The following CLCN2 variants were observed in gnomAD, a reference collection of about 807,000 sequenced individuals.
CLCN2 encodes the protein chloride channel protein 2.
CLCN2 carries 72 observed loss-of-function variants against 108.3 expected under a neutral mutation model. The observed-to-expected ratio is 0.66, with a 90% CI of 0.55 to 0.81. CLCN2 has a LOEUF of 0.81. Among genes scored for constraint, CLCN2 ranks in the 30% least tolerant of loss-of-function variants. CLCN2 has a pLI of 0.00. For synonymous variants in CLCN2, 471 were observed against 467.1 expected, an observed-to-expected ratio of 1.01 and a Z score of -0.11; for missense variants, 1,048 against 1,205.2, an observed-to-expected ratio of 0.87 and a Z score of 1.93.
At chr3:184,353,509 C>A in intron 16 of CLCN2, 87 bp from the exon 17 acceptor site, 2 of 1,533,974 alleles carry the variant, frequency 1.3e-6, no homozygotes, top group Admixed American at 1.9e-5. Context: ...GGGGGCCTTG[C>A]ATGCAGGCCA....
Position 184,361,373 on chromosome 3 carries a change from G to A in CLCN2, c.63+44C>T. 1.3e-6 allele frequency: 2 copies of A among 1,596,522 alleles called. No individual in the cohort carries two copies. The highest frequency in any genetic ancestry group is 2.2e-5 in the East Asian group (1 of 44,784). ...CGCTTCCCAGGGTAACCTGGAGCAGGGGTCCCGGAGCGCACTCCTGGGGCT... is the reference window on the plus strand; with the variant it reads ...CGCTTCCCAGGGTAACCTGGAGCAGAGGTCCCGGAGCGCACTCCTGGGGCT... On this transcript the variant is annotated intron_variant, in intron 1 of 23. Coordinates refer to ENST00000265593, the MANE Select transcript of CLCN2 (RefSeq NM_004366.6). This position sits in a 1 kb window ranked among gnomAD's most constrained non-coding sequence, Gnocchi z 6.6.
chr3:184,348,778 T>A (rs1352057998), intron 22 of CLCN2: 2 of 152,234 alleles, frequency 1.3e-5, no homozygotes, highest in African/African-American at 4.8e-5. Context: ...CCAGGTGAGC[T>A]TCTGGCGGGC....
At position 184,361,495 on chromosome 3, in the gene CLCN2, T is replaced by C; in HGVS notation, c.-16A>G. ...CGGCCGCCATCTCCGCGCACTGCCC[T>C]CTCGCCTCCCTCGGCGGTTCCGGCT... On this transcript the variant is annotated 5_prime_UTR_variant, in exon 1 of 24. Coordinates refer to ENST00000265593, the MANE Select transcript of CLCN2 (RefSeq NM_004366.6). This position sits in a 1 kb window ranked among gnomAD's most constrained non-coding sequence, Gnocchi z 6.6. 1 of 1,609,956 alleles carries C rather than the reference T, an allele frequency of 6.2e-7. No individual in the cohort carries two copies. The highest frequency in any genetic ancestry group is 8.5e-7 in the Non-Finnish European group (1 of 1,179,814).
intron 22 of CLCN2, among the ~76,000 whole-genome samples, chr3:184,351,305 C>T (rs1728072420): frequency 6.6e-6 from 1 of 152,068 alleles, no homozygotes; most frequent in African/African-American, 2.4e-5. Flanking sequence ...TCTGCTGGTC[C>T]CAGGAGCCAT....
At chr3:184,359,616 C>T (rs556750744) in intron 1 of CLCN2, among the ~76,000 whole-genome samples, 69 of 152,328 alleles carry the variant, frequency 4.5e-4, no homozygotes, top group Middle Eastern at 3.4e-3. Flanking sequence ...GCTGGGCCTC[C>T]GGCCTGTGAC....
intron 10 of CLCN2, chr3:184,356,112 G>C (rs960148965): frequency 2.7e-6 from 1 of 372,738 alleles, no homozygotes; most frequent in Non-Finnish European, 5.1e-6. Context: ...AGGGCATATT[G>C]TGTGATGGGG....
chr3:184,359,349 A>G (rs1711680503), intron 1 of CLCN2, among the ~76,000 whole-genome samples: 1 of 152,206 alleles, frequency 6.6e-6, no homozygotes, highest in Non-Finnish European at 1.5e-5. Flanking sequence ...AGGTACAGGG[A>G]CACAGCTCTG....
Position 184,361,332 on chromosome 3 carries a change from AG to A in CLCN2, c.63+84del. 1 of 1,347,454 alleles carries A rather than the reference AG, an allele frequency of 7.4e-7. No individual in the cohort carries two copies. The highest frequency in any genetic ancestry group is 1.1e-6 in the Non-Finnish European group (1 of 938,828). 83.5% of individuals were successfully genotyped at this position (1,347,454 alleles called of 1,614,324 possible). On this transcript the variant is annotated intron_variant, in intron 1 of 23. Coordinates refer to ENST00000265593, the MANE Select transcript of CLCN2 (RefSeq NM_004366.6). The surrounding 1 kb of genome is among the most constrained non-coding windows in gnomAD (Gnocchi z 6.6). ...CAAAATGCTAGGACAGGATTAGGGT[AG>A]GCCCCTGGTCCTCGCGCTTCCCAGG...
intron 9 of CLCN2, 21 bp downstream of exon 9, chr3:184,357,161 C>A (rs964551220): frequency 6.2e-7 from 1 of 1,612,816 alleles, no homozygotes; most frequent in East Asian, 2.2e-5. Flanking sequence ...TCTGATACCC[C>A]CAGCCCCCTC....
At chr3:184,356,684 TGG>T (rs1274489033) in intron 10 of CLCN2, 20 of 397,920 alleles carry the variant, frequency 5.0e-5, no homozygotes, top group Non-Finnish European at 6.6e-5. Flanking sequence ...CCATGGGTCA[TGG>T]GGGGAACCTG....
At chr3:184,347,283 T>C in intron 22 of CLCN2, 1 of 524,614 alleles carries the variant, frequency 1.9e-6, no homozygotes, top group Non-Finnish European at 3.5e-6. Context: ...GGAGTAATTC[T>C]TAGTCCCATG....
chr3:184,353,111 C>G lies in CLCN2; in HGVS notation c.2065G>C (p.Gly689Arg), dbSNP rs775575872. 8 of 1,614,152 alleles carry G rather than the reference C, an allele frequency of 5.0e-6. No homozygotes were observed. Among genetic ancestry groups the G allele is most frequent in the Non-Finnish European group, 3.4e-6 (4 of 1,180,018 alleles). Residue 689 changes from glycine (G) to arginine (R), a missense_variant, in exon 18 of 24, where the codon GGG becomes CGG. Coordinates refer to ENST00000265593, the MANE Select transcript of CLCN2 (RefSeq NM_004366.6). ...GGCTTTAGGGGCTTGTGGGTCTCCC[C>G]CCGGGCTGCTGGGAAGGCTGAGTCT... ...TEDSAFPAAR[G>R]ETHKPLKPAL...
rs1728604260 is a variant in CLCN2 at position 184,357,040 on chromosome 3, G to T, written c.1038C>A (p.Val346=). ...TGGTTTTCTGCTTCCGCATCACCTG[G>T]ACAATCTTCCGGTTCAGGTAGACAA... is the stretch of plus-strand genomic sequence containing the variant. ...ALFVYLNRKI[V]QVMRKQKTIN... Residue 346 remains valine (V), a synonymous_variant, in exon 10 of 24, where the codon GTC becomes GTA. Coordinates refer to ENST00000265593, the MANE Select transcript of CLCN2 (RefSeq NM_004366.6). 6.2e-7 allele frequency: 1 copy of T among 1,613,774 alleles called. No homozygotes were observed. Among genetic ancestry groups the T allele is most frequent in the East Asian group, 2.2e-5 (1 of 44,864 alleles).
intron 22 of CLCN2, chr3:184,347,539 TTGCAGATA>T (rs1015139821): frequency 9.4e-6 from 2 of 212,672 alleles, no homozygotes; most frequent in Admixed American, 5.2e-5. Context: ...TCCTGTTTAG[TTGCAGATA>T]TACCGAGAAG....
Position 184,357,274 on chromosome 3 carries a change from G to A in CLCN2, c.899-8C>T, listed in dbSNP as rs757164689. On this transcript the variant is annotated splice_region_variant and splice_polypyrimidine_tract_variant and intron_variant, in intron 8 of 23. Transcript: ENST00000265593. ...AGAGGGCTGTAATAGTCTCTAAAGG[G>A]AAGAACAGCAGAGGGAGGCAGGCCT... 31 of 1,614,006 alleles carry A rather than the reference G, an allele frequency of 1.9e-5. No individual in the cohort carries two copies. The highest frequency in any genetic ancestry group is 2.5e-5 in the Non-Finnish European group (30 of 1,179,982).
chr3:184,357,683 T>G lies in CLCN2; in HGVS notation c.709A>C (p.Thr237Pro). The G allele has an allele frequency of 6.2e-7, 1 of 1,614,116 alleles. No individual in the cohort carries two copies. The highest frequency in any genetic ancestry group is 8.5e-7 in the Non-Finnish European group (1 of 1,180,042). Residue 237 changes from threonine (T) to proline (P), a missense_variant, in exon 7 of 24, where the codon ACA becomes CCA. Physicochemically the swap from Thr to Pro is conservative, Grantham distance 38. Transcript: ENST00000265593. ...GGIYENESRN[T>P]EMLAAACAVG... ...GCACAGGCGGCAGCCAGCATCTCTG[T>G]GTTCCGGGATTCATTCTGGCGAGAG...
At position 184,352,103 on chromosome 3, in the gene CLCN2, C is replaced by T. The variant is rs763280350; in HGVS notation, c.2325G>A (p.Glu775=). 8.1e-6 allele frequency: 13 copies of T among 1,613,404 alleles called. No homozygotes were observed. The highest frequency in any genetic ancestry group is 1.6e-4 in the Middle Eastern group (1 of 6,084). The change falls in exon 22 of 24, where the codon GAG becomes GAA. Residue 775 remains glutamate (E), a synonymous_variant. Transcript: ENST00000265593. ...TGACAGGTTCATCTAGTTGCTGCTC[C>T]TCCCACTCCAGAATCTGAGGGGAAG... is the stretch of plus-strand genomic sequence containing the variant. ...EMSPEEILEW[E]EQQLDEPVNF... is the part of the protein sequence containing the mutation.
chr3:184,353,559 A>G, intron 16 of CLCN2, 103 bp downstream of exon 16: 2 of 1,567,526 alleles, frequency 1.3e-6, no homozygotes, highest in Non-Finnish European at 1.7e-6. Context: ...GTGCTGGTCC[A>G]TTCCCTTTGG....
Position 184,355,290 on chromosome 3 carries a change from G to A in CLCN2, c.1326+84C>T, listed in dbSNP as rs1391694304. Reference sequence around the variant, plus strand: ...TGCCTTTCCCATGGCACTGTGGAGAGGCTTCGAGGAGTGAGCACTGCGTGG... The same window carrying A: ...TGCCTTTCCCATGGCACTGTGGAGAAGCTTCGAGGAGTGAGCACTGCGTGG... On this transcript the variant is annotated intron_variant, in intron 12 of 23. Transcript: ENST00000265593. This position sits in a 1 kb window ranked among gnomAD's most constrained non-coding sequence, Gnocchi z 6.3. 2.8e-6 allele frequency: 4 copies of A among 1,452,116 alleles called. No homozygotes were observed. In the Admixed American group the frequency reaches 6.7e-5, roughly 24 times the overall value. 90.0% of individuals were successfully genotyped at this position (1,452,116 alleles called of 1,614,324 possible).
Sources: allele counts gnomAD v4.1 joint callset (sites outside exome capture counted in the v4.1 genomes callset), GRCh38; gene constraint gnomAD v4.1.1; non-coding constraint Gnocchi (gnomAD v3.1); transcripts MANE v1.5; gene names NCBI Gene and HGNC (gene_info 2026-07-23, HGNC 2026-07-21).